Variants in EDARADD observed in about 807,000 individuals in gnomAD.
EDARADD encodes the protein ectodysplasin-A receptor-associated adapter protein.
Under a neutral mutation model 25.6 loss-of-function variants are expected in EDARADD, and 20 were observed. The observed-to-expected ratio is 0.78, with a 90% CI of 0.55 to 1.14. The LOEUF (loss-of-function observed/expected upper bound fraction) is 1.14. Ranked by LOEUF, EDARADD falls within the 50% of genes most tolerant of loss-of-function variation. EDARADD has a pLI of 0.00. For missense variants in EDARADD, 225 were observed against 270.1 expected, an observed-to-expected ratio of 0.83 and a Z score of 1.17; for synonymous variants, 86 against 94.4, an observed-to-expected ratio of 0.91 and a Z score of 0.52.
At chr1:236,353,972 T>G (rs1325119228) in intron 3 of EDARADD, among the ~76,000 whole-genome samples, 1 of 152,174 alleles carries the variant, frequency 6.6e-6, no homozygotes, top group African/African-American at 2.4e-5. Context: ...AGCTCTTTCA[T>G]TTAAAGCTCG....
intron 4 of EDARADD, among the ~76,000 whole-genome samples, chr1:236,456,359 A>G (rs1349433132): frequency 6.6e-6 from 1 of 152,160 alleles, no homozygotes; most frequent in Admixed American, 6.5e-5. Context: ...CTGTGTTGGA[A>G]TAACTCACTG....
chr1:236,478,387 A>G (rs372944837), intron 5 of EDARADD, among the ~76,000 whole-genome samples: 32 of 112,250 alleles, frequency 2.9e-4, no homozygotes, highest in African/African-American at 5.5e-4. Context: ...GTGTGTGTGT[A>G]TGGATTTATA....
intron 1 of EDARADD, among the ~76,000 whole-genome samples, chr1:236,405,724 T>TC (rs1667696257): frequency 2.0e-5 from 3 of 147,512 alleles, no homozygotes; most frequent in Admixed American, 6.9e-5. Flanking sequence ...CCTTCCTTTC[T>TC]TTTTCTTTCT....
chr1:236,394,947 C>A (rs904185327), intron 1 of EDARADD, among the ~76,000 whole-genome samples: 1 of 152,214 alleles, frequency 6.6e-6, no homozygotes, highest in African/African-American at 2.4e-5. Flanking sequence ...CACTCCTTTT[C>A]TGCAGCACTC....
chr1:236,480,572 G>A (rs1659645992), intron 5 of EDARADD, among the ~76,000 whole-genome samples: 1 of 151,916 alleles, frequency 6.6e-6, no homozygotes, highest in South Asian at 2.1e-4. Flanking sequence ...TTTACCTTCC[G>A]AAACTGGGAA....
chr1:236,481,778 C>CAA (rs36104533), intron 5 of EDARADD, among the ~76,000 whole-genome samples: 9,340 of 93,122 alleles, frequency 0.1, 444 homozygotes, highest in South Asian at 0.11. Context: ...CACCCTGTAT[C>CAA]AAAAAAAAAA....
chr1:236,412,562 ACT>A (rs963269042), intron 2 of EDARADD, among the ~76,000 whole-genome samples: 7 of 150,752 alleles, frequency 4.6e-5, no homozygotes, highest in Non-Finnish European at 8.9e-5. Context: ...CCTCCAACAG[ACT>A]CTCTGTTTCA....
intron 4 of EDARADD, among the ~76,000 whole-genome samples, chr1:236,464,170 C>T (rs1426290230): frequency 2.6e-5 from 4 of 152,130 alleles, no homozygotes. Flanking sequence ...GCTAGAACGG[C>T]TTTCAAAATC....
intron 3 of EDARADD, among the ~76,000 whole-genome samples, chr1:236,356,953 G>C (rs148199633): frequency 6.6e-6 from 1 of 152,088 alleles, no homozygotes; most frequent in East Asian, 1.9e-4. Context: ...GCATGGTGGT[G>C]CATGCCTGTA....
At chr1:236,363,285 A>G (rs1416128320) in intron 3 of EDARADD, among the ~76,000 whole-genome samples, 1 of 151,832 alleles carries the variant, frequency 6.6e-6, no homozygotes, top group Non-Finnish European at 1.5e-5. Flanking sequence ...CCCAAATCTC[A>G]TGTCAAGTAG....
intron 4 of EDARADD, among the ~76,000 whole-genome samples, chr1:236,435,508 G>A (rs1658226626): frequency 6.6e-6 from 1 of 152,164 alleles, no homozygotes; most frequent in African/African-American, 2.4e-5. Context: ...CGCTTCACAT[G>A]TCGAGGAAGG....
intron 4 of EDARADD, among the ~76,000 whole-genome samples, chr1:236,463,048 A>G (rs751590450): frequency 1.8e-4 from 21 of 117,180 alleles, no homozygotes; most frequent in Non-Finnish European, 2.4e-4. Context: ...AAGTTATTAC[A>G]TTAATTTACA....
rs61333307 is a variant in EDARADD at position 236,445,234 on chromosome 1, C to CTTTTTTTTTTTTTTTTTTTTTTTTTT, written c.219+17795_219+17796insTTTTTTTTTTTTTTTTTTTTTTTTTT. ...TGCATTAGCTGGGACATAATAAATT[C>CTTTTTTTTTTTTTTTTTTTTTTTTTT]TTTTTTTTTTTGAGACAGAGTCTTG... is the stretch of plus-strand genomic sequence containing the variant. On this transcript the variant is annotated intron_variant, in intron 4 of 5. Coordinates refer to ENST00000334232, the MANE Select transcript of EDARADD (RefSeq NM_145861.4). 5.8e-4 allele frequency among the ~76,000 whole-genome samples: 52 copies of CTTTTTTTTTTTTTTTTTTTTTTTTTT among 89,718 alleles called. 17 individuals carry two copies. The highest frequency in any genetic ancestry group is 9.6e-4 in the Non-Finnish European group (40 of 41,726). 58.9% of individuals were successfully genotyped at this position (89,718 alleles called of 152,430 possible).
intron 4 of EDARADD, among the ~76,000 whole-genome samples, chr1:236,458,304 G>A (rs1658931080): frequency 6.6e-6 from 1 of 152,172 alleles, no homozygotes; most frequent in Non-Finnish European, 1.5e-5. Flanking sequence ...TGGTGCATCA[G>A]TGCTGTGGGG....
Position 236,427,423 on chromosome 1 carries a change from C to T in EDARADD, c.192C>T (p.Cys64=), listed in dbSNP as rs1657954191. The change falls in exon 4 of 6, where the codon TGC becomes TGT. Residue 64 remains cysteine, a synonymous_variant. Transcript: ENST00000334232. ...AATGTGATACAATTACTTTGAACTG[C>T]CCACGAAATTCAGATATGAAAAATC... ...AEECDTITLN[C]PRNSDMKNQG... is the part of the protein sequence containing the mutation. 2 of 1,611,772 alleles carry T rather than the reference C, an allele frequency of 1.2e-6. No homozygotes were observed. Among genetic ancestry groups the T allele is most frequent in the Non-Finnish European group, 8.5e-7 (1 of 1,179,130 alleles).
chr1:236,454,250 C>A (rs185538269), intron 4 of EDARADD, among the ~76,000 whole-genome samples: 60 of 152,144 alleles, frequency 3.9e-4, no homozygotes, highest in South Asian at 1.5e-3. Flanking sequence ...GGGTTTCACC[C>A]TGTTAGCCAA....
chr1:236,442,401 C>CA (rs1658424951), intron 4 of EDARADD, among the ~76,000 whole-genome samples: 1 of 152,228 alleles, frequency 6.6e-6, no homozygotes, highest in Non-Finnish European at 1.5e-5. Context: ...GCTGGGATTA[C>CA]AGGTGTGAGC....
intron 2 of EDARADD, among the ~76,000 whole-genome samples, chr1:236,411,831 G>A (rs931837108): frequency 2.0e-5 from 3 of 152,146 alleles, no homozygotes; most frequent in African/African-American, 7.2e-5. Context: ...GATTACAGGC[G>A]TGAGCCACCA....
chr1:236,393,616 C>T (rs984571463), upstream of EDARADD, among the ~76,000 whole-genome samples: 8 of 151,828 alleles, frequency 5.3e-5, no homozygotes, highest in Non-Finnish European at 1.0e-4. Flanking sequence ...AGGCTGGCCT[C>T]GAACTCCTGA....
Sources: allele counts gnomAD v4.1 joint callset (sites outside exome capture counted in the v4.1 genomes callset), GRCh38; gene constraint gnomAD v4.1.1; transcripts MANE v1.5; gene names NCBI Gene and HGNC (gene_info 2026-07-23, HGNC 2026-07-21).